The following UBR3 variants were observed in gnomAD, a reference collection of about 807,000 sequenced individuals.
UBR3 encodes the protein ubiquitin protein ligase E3 component n-recognin 3.
UBR3 carries 85 observed loss-of-function variants against 243.2 expected under a neutral mutation model. The observed-to-expected ratio is 0.35, with a 90% CI of 0.29 to 0.42. The LOEUF (loss-of-function observed/expected upper bound fraction) is 0.42. Among genes scored for constraint, UBR3 ranks in the 10% least tolerant of loss-of-function variants. The probability of loss-of-function intolerance (pLI) is 1.00; values close to 1 mark genes in which losing one functional copy is unlikely to be tolerated. For synonymous variants in UBR3, 748 were observed against 799.8 expected, an observed-to-expected ratio of 0.94 and a Z score of 1.09; for missense variants, 1,686 against 2,300.8, an observed-to-expected ratio of 0.73 and a Z score of 5.47.
intron 25 of UBR3, among the ~76,000 whole-genome samples, chr2:169,988,230 A>G (rs2089115607): frequency 6.6e-6 from 1 of 152,178 alleles, no homozygotes; most frequent in Non-Finnish European, 1.5e-5. Context: ...CAATGTAATG[A>G]TTTGTTTTAT....
intron 32 of UBR3, among the ~76,000 whole-genome samples, chr2:170,054,283 CTT>C (rs746480476): frequency 5.8e-5 from 8 of 138,864 alleles, no homozygotes; most frequent in Non-Finnish European, 6.3e-5. Context: ...CCACACCCAG[CTT>C]TTTTTTTTTT....
chr2:170,019,932 G>A (rs2090345916), intron 30 of UBR3, among the ~76,000 whole-genome samples: 1 of 151,834 alleles, frequency 6.6e-6, no homozygotes, highest in Non-Finnish European at 1.5e-5. Context: ...CACACCATCA[G>A]GCCCGACTAA....
At chr2:169,864,888 C>T (rs543349707) in intron 1 of UBR3, among the ~76,000 whole-genome samples, 116 of 134,406 alleles carry the variant, frequency 8.6e-4, no homozygotes, top group African/African-American at 3.1e-3. Context: ...GCCCGGGTGA[C>T]GGAGCGAGAC....
chr2:169,895,975 A>G (rs2084570378), intron 7 of UBR3, among the ~76,000 whole-genome samples: 1 of 151,722 alleles, frequency 6.6e-6, no homozygotes, highest in African/African-American at 2.4e-5. Flanking sequence ...AAAACCAGAG[A>G]AAATGTACAT....
At chr2:170,075,896 C>T (rs1367966582) in intron 36 of UBR3, among the ~76,000 whole-genome samples, 1 of 142,240 alleles carries the variant, frequency 7.0e-6, no homozygotes, top group Non-Finnish European at 1.5e-5. Flanking sequence ...TAAGGAAAAC[C>T]AAAGCAAACT....
chr2:170,002,659 C>T (rs189753032), intron 27 of UBR3, among the ~76,000 whole-genome samples: 1 of 152,306 alleles, frequency 6.6e-6, no homozygotes, highest in Non-Finnish European at 1.5e-5. Flanking sequence ...CCCAACACCT[C>T]AGGGGCCTTA....
intron 27 of UBR3, among the ~76,000 whole-genome samples, chr2:170,001,939 A>AAAAAAAAAAAAAAAAAG (rs1553531165): frequency 1.4e-4 from 16 of 116,198 alleles, no homozygotes; most frequent in African/African-American, 4.6e-4. Flanking sequence ...AAAAAAAAAA[A>AAAAAAAAAAAAAAAAAG]AAAGAAAGAA....
At chr2:170,021,709 A>G (rs2105416260) in intron 30 of UBR3, among the ~76,000 whole-genome samples, 1 of 152,276 alleles carries the variant, frequency 6.6e-6, no homozygotes, top group South Asian at 2.1e-4. Flanking sequence ...ATTTATCCCC[A>G]TGATAAAGTT....
At chr2:169,928,588 A>T (rs2085997983) in intron 17 of UBR3, 139 bp from the exon 18 acceptor site, 1 of 518,076 alleles carries the variant, frequency 1.9e-6, no homozygotes, top group Non-Finnish European at 3.2e-6. Context: ...TGTATTATAT[A>T]GCCCTCTTGT....
intron 11 of UBR3, among the ~76,000 whole-genome samples, chr2:169,920,343 C>T (rs1397131878): frequency 6.6e-6 from 1 of 152,028 alleles, no homozygotes; most frequent in Non-Finnish European, 1.5e-5. Flanking sequence ...AGAGGGACAG[C>T]ATTAGGAGAT....
intron 24 of UBR3, among the ~76,000 whole-genome samples, chr2:169,984,735 T>C (rs2088916647): frequency 1.3e-5 from 2 of 152,316 alleles, no homozygotes; most frequent in Admixed American, 1.3e-4. Context: ...GCTGTGACTT[T>C]TCCTCCTCTT....
At chr2:169,937,850 C>T (rs551907873) in intron 19 of UBR3, among the ~76,000 whole-genome samples, 1 of 152,108 alleles carries the variant, frequency 6.6e-6, no homozygotes, top group Non-Finnish European at 1.5e-5. Context: ...TGTGTTAGAT[C>T]TTTCTTTTTG....
rs1489461990 is a variant in UBR3, at chr2:170,071,937, G to T, written c.5020-1491G>T. On this transcript the variant is annotated intron_variant, in intron 35 of 38. Coordinates refer to ENST00000272793, the MANE Select transcript of UBR3 (RefSeq NM_172070.4). ...TCAGGAAACAACAGGTGCTGGAGAG[G>T]ATGTGGAGAAATAGGAACACTTTTA... is the stretch of plus-strand genomic sequence containing the variant. Among the ~76,000 whole-genome samples the T allele has an allele frequency of 2.0e-5, 3 of 152,154 alleles. No individual in the cohort carries two copies. In the East Asian group the frequency reaches 5.8e-4, roughly 29 times the overall value.
At chr2:169,830,977 G>A (rs1465623414) in intron 1 of UBR3, among the ~76,000 whole-genome samples, 1 of 151,244 alleles carries the variant, frequency 6.6e-6, no homozygotes, top group Non-Finnish European at 1.5e-5. Flanking sequence ...TTCTTTGAAG[G>A]TATTCATACA....
chr2:170,059,304 T>G (rs747339063), intron 33 of UBR3, among the ~76,000 whole-genome samples: 2 of 152,240 alleles, frequency 1.3e-5, no homozygotes, highest in African/African-American at 2.4e-5. Flanking sequence ...CTCAGTGACT[T>G]ACTTAGCTGA....
At chr2:170,025,860 C>G (rs974573331) in intron 30 of UBR3, among the ~76,000 whole-genome samples, 1 of 152,144 alleles carries the variant, frequency 6.6e-6, no homozygotes, top group Non-Finnish European at 1.5e-5. Flanking sequence ...AGGAAATTCA[C>G]TCAAGTAAGA....
intron 2 of UBR3, among the ~76,000 whole-genome samples, chr2:169,872,590 G>A (rs1204559020): frequency 2.6e-5 from 4 of 151,894 alleles, no homozygotes; most frequent in African/African-American, 9.7e-5. Context: ...TTCTGCTTCC[G>A]GGGTCATAAA....
At chr2:169,882,904 G>A (rs1430823780) in intron 5 of UBR3, among the ~76,000 whole-genome samples, 2 of 152,110 alleles carry the variant, frequency 1.3e-5, no homozygotes, top group Non-Finnish European at 2.9e-5. Context: ...GAATTCCATA[G>A]AATTAACTGA....
intron 1 of UBR3, among the ~76,000 whole-genome samples, chr2:169,830,113 ATTTCT>A (rs1336113094): frequency 6.6e-6 from 1 of 151,926 alleles, no homozygotes; most frequent in Non-Finnish European, 1.5e-5. Flanking sequence ...CCATTCTTTA[ATTTCT>A]TTTTTTATTT....
Sources: allele counts gnomAD v4.1 joint callset (sites outside exome capture counted in the v4.1 genomes callset), GRCh38; gene constraint gnomAD v4.1.1; transcripts MANE v1.5; gene names NCBI Gene and HGNC (gene_info 2026-07-23, HGNC 2026-07-21).